KLF8: variants seen among roughly 807,000 people sequenced by gnomAD.
KLF8 encodes the protein KLF transcription factor 8.
In KLF8, 10 loss-of-function variants were observed where a neutral mutation model predicts 18.2. The observed-to-expected ratio is 0.55, with a 90% CI of 0.34 to 0.93. The LOEUF (loss-of-function observed/expected upper bound fraction) is 0.93, where lower values mean the gene tolerates loss of function less well. KLF8 is among the 40% of genes least tolerant of loss of function. The pLI, the probability that KLF8 is intolerant of heterozygous loss-of-function variation, is 0.02. For synonymous variants in KLF8, 109 were observed against 97.3 expected, an observed-to-expected ratio of 1.12 and a Z score of -0.71; for missense variants, 264 against 277.9, an observed-to-expected ratio of 0.95 and a Z score of 0.36.
At chrX:56,024,601 T>C in the KLF8 span, among the ~76,000 whole-genome samples, 1 of 111,657 alleles carries the variant, frequency 9.0e-6, no homozygotes, top group Non-Finnish European at 1.9e-5. Context: ...TTTTAAGGGC[T>C]CACAATGCTA....
the KLF8 span, among the ~76,000 whole-genome samples, chrX:55,929,190 A>G: frequency 1.8e-5 from 2 of 112,384 alleles, no homozygotes; most frequent in Non-Finnish European, 3.8e-5. Context: ...GTGTCTGTTC[A>G]TATCCTTCGC....
At chrX:56,076,469 C>G in the KLF8 span, among the ~76,000 whole-genome samples, 1 of 111,050 alleles carries the variant, frequency 9.0e-6, no homozygotes, top group East Asian at 2.8e-4. Flanking sequence ...AGGACATGAA[C>G]TCATCATTTT....
chrX:56,109,394 CAA>C, the KLF8 span, among the ~76,000 whole-genome samples: 15 of 71,922 alleles, frequency 2.1e-4, no homozygotes, highest in Non-Finnish European at 8.5e-5. Flanking sequence ...AACTCTATCT[CAA>C]AAAAAAAAAA....
the KLF8 span, among the ~76,000 whole-genome samples, chrX:55,914,718 A>G: frequency 7.2e-5 from 8 of 111,555 alleles, no homozygotes; most frequent in African/African-American, 2.6e-4. Flanking sequence ...AACATTATGT[A>G]TAAATCAATG....
the KLF8 span, among the ~76,000 whole-genome samples, chrX:56,134,600 C>G: frequency 9.0e-6 from 1 of 111,181 alleles, no homozygotes; most frequent in African/African-American, 3.3e-5. Context: ...TTGGCTTGGG[C>G]AAAGACTTCA....
the KLF8 span, among the ~76,000 whole-genome samples, chrX:56,169,485 G>T: frequency 2.7e-5 from 3 of 110,685 alleles, no homozygotes; most frequent in East Asian, 2.9e-4. Context: ...TGCCCTGAAA[G>T]GTGTGTCTCA....
At chrX:56,081,180 T>G in the KLF8 span, among the ~76,000 whole-genome samples, 4 of 111,941 alleles carry the variant, frequency 3.6e-5, no homozygotes, top group Non-Finnish European at 7.5e-5. Context: ...TTTGTTCTGT[T>G]GCTTGTGAGG....
the KLF8 span, among the ~76,000 whole-genome samples, chrX:56,103,421 C>T: frequency 6.3e-5 from 7 of 111,199 alleles, no homozygotes; most frequent in African/African-American, 2.3e-4. Context: ...TGAAGAGATC[C>T]TTCACATCCC....
chrX:55,980,701 C>G, the KLF8 span, among the ~76,000 whole-genome samples: 3 of 111,836 alleles, frequency 2.7e-5, no homozygotes, highest in South Asian at 1.1e-3. Flanking sequence ...TCAATTGTCC[C>G]TAATGCAACT....
At chrX:56,219,062 T>C in the KLF8 span, among the ~76,000 whole-genome samples, 1 of 112,279 alleles carries the variant, frequency 8.9e-6, no homozygotes, top group Non-Finnish European at 1.9e-5. Flanking sequence ...ATTTACAAGA[T>C]GATAAAAATA....
chrX:56,221,142 A>T, the KLF8 span, among the ~76,000 whole-genome samples: 31 of 112,188 alleles, frequency 2.8e-4, no homozygotes, highest in Non-Finnish European at 4.9e-4. Context: ...TGGAGCTCTA[A>T]AATGGGAAAA....
chrX:56,227,150 C>G, the KLF8 span, among the ~76,000 whole-genome samples: 1 of 111,528 alleles, frequency 9.0e-6, no homozygotes, highest in Non-Finnish European at 1.9e-5. Context: ...AAGATGGATA[C>G]CACCCCTCTG....
the KLF8 span, among the ~76,000 whole-genome samples, chrX:55,996,493 T>A: frequency 8.9e-6 from 1 of 112,193 alleles, no homozygotes; most frequent in South Asian, 3.7e-4. Context: ...TGTGGGATGA[T>A]GTTCCTTTAA....
chrX:56,002,124 A>T, the KLF8 span, among the ~76,000 whole-genome samples: 1 of 111,880 alleles, frequency 8.9e-6, no homozygotes, highest in African/African-American at 3.2e-5. Flanking sequence ...TTCATCTTCT[A>T]TCACTCTCTC....
At chrX:56,222,559 C>T in the KLF8 span, among the ~76,000 whole-genome samples, 2 of 112,918 alleles carry the variant, frequency 1.8e-5, no homozygotes, top group East Asian at 5.6e-4. Flanking sequence ...GATCTAGCAG[C>T]AGGGTGCAGG....
the KLF8 span, among the ~76,000 whole-genome samples, chrX:56,134,033 A>G: frequency 8.9e-6 from 1 of 111,861 alleles, no homozygotes; most frequent in Non-Finnish European, 1.9e-5. Context: ...ACAAATGGAA[A>G]CACATCTCAT....
the KLF8 span, among the ~76,000 whole-genome samples, chrX:56,021,215 G>A: frequency 9.0e-6 from 1 of 111,700 alleles, no homozygotes; most frequent in Admixed American, 9.5e-5. Context: ...CTATTTATTT[G>A]TATGTATCTT....
the KLF8 span, among the ~76,000 whole-genome samples, chrX:56,026,244 A>G: frequency 1.8e-5 from 2 of 111,485 alleles, no homozygotes; most frequent in African/African-American, 6.5e-5. Context: ...CAGAGGAGCT[A>G]CTTTCCAGTC....
In KLF8 at chrX:56,248,600, G is replaced by A. The variant is rs188266588; in HGVS notation, c.8-1631G>A. 2.7e-5 allele frequency among the ~76,000 whole-genome samples: 3 copies of A among 111,696 alleles called. No individual in the cohort carries two copies. In the East Asian group the frequency reaches 8.5e-4, roughly 32 times the overall value. On this transcript the variant is annotated intron_variant, in intron 1 of 5. Coordinates refer to ENST00000468660, the MANE Select transcript of KLF8 (RefSeq NM_007250.5). ...AATAATGAAGCCTGTTGAAGGTGTT[G>A]TGTGAATGCAGAGGGAGAATCGAAT...
Sources: allele counts gnomAD v4.1 joint callset (sites outside exome capture counted in the v4.1 genomes callset), GRCh38; gene constraint gnomAD v4.1.1; transcripts MANE v1.5; gene names NCBI Gene and HGNC (gene_info 2026-07-23, HGNC 2026-07-21).